The following ANKRD30BL variants were observed in gnomAD, a reference collection of about 807,000 sequenced individuals.
ANKRD30BL encodes the protein putative ankyrin repeat domain-containing protein 30B-like.
Under a neutral mutation model 18.4 loss-of-function variants are expected in ANKRD30BL, and 20 were observed. The observed-to-expected ratio is 1.09, with a 90% confidence interval of 0.77 to 1.58. The LOEUF (loss-of-function observed/expected upper bound fraction) is 1.58, where lower values mean the gene tolerates loss of function less well. ANKRD30BL is among the 40% of genes most tolerant of loss of function. The pLI, the probability that ANKRD30BL is intolerant of heterozygous loss-of-function variation, is 0.00. For synonymous variants in ANKRD30BL, 72 were observed against 100.9 expected, an observed-to-expected ratio of 0.71 and a Z score of 1.72; for missense variants, 224 against 268.6, an observed-to-expected ratio of 0.83 and a Z score of 1.16.
chr2:132,200,904 G>T (rs1363005400), intron 1 of ANKRD30BL, among the ~76,000 whole-genome samples: 2 of 152,176 alleles, frequency 1.3e-5, no homozygotes, highest in African/African-American at 4.8e-5. Flanking sequence ...ATGCTAGAAG[G>T]CTGCAGTAAC....
At chr2:132,234,696 T>C (rs1680106987) in intron 1 of ANKRD30BL, among the ~76,000 whole-genome samples, 1 of 152,074 alleles carries the variant, frequency 6.6e-6, no homozygotes, top group South Asian at 2.1e-4. Context: ...CAATAATCAA[T>C]AGCTTACCAA....
At chr2:132,223,939 G>A (rs1679768718) in intron 1 of ANKRD30BL, among the ~76,000 whole-genome samples, 1 of 152,134 alleles carries the variant, frequency 6.6e-6, no homozygotes, top group Non-Finnish European at 1.5e-5. Context: ...ACGCTTTGAG[G>A]CCTTCGTTGG....
chr2:132,211,297 C>T (rs756464019), intron 1 of ANKRD30BL, among the ~76,000 whole-genome samples: 4 of 151,790 alleles, frequency 2.6e-5, no homozygotes, highest in African/African-American at 9.7e-5. Context: ...CAGAGTTGAA[C>T]CTTTCTTTTG....
intron 1 of ANKRD30BL, among the ~76,000 whole-genome samples, chr2:132,220,159 G>A (rs891667028): frequency 2.0e-5 from 3 of 151,594 alleles, no homozygotes; most frequent in Admixed American, 2.0e-4. Flanking sequence ...CGTTGGAAAT[G>A]GGAATATCCT....
chr2:132,187,566 G>C (rs1333311262), intron 1 of ANKRD30BL, among the ~76,000 whole-genome samples: 2 of 151,772 alleles, frequency 1.3e-5, no homozygotes, highest in Non-Finnish European at 2.9e-5. Context: ...AGCCCACCTC[G>C]GCCTCCCAAA....
intron 1 of ANKRD30BL, among the ~76,000 whole-genome samples, chr2:132,211,836 AAC>A (rs1679361818): frequency 2.0e-5 from 3 of 151,944 alleles, no homozygotes; most frequent in Non-Finnish European, 4.4e-5. Context: ...GCAGTTTTGA[AAC>A]ACTCTTTTTG....
intron 1 of ANKRD30BL, among the ~76,000 whole-genome samples, chr2:132,253,909 G>C (rs1680741662): frequency 6.6e-6 from 1 of 152,108 alleles, no homozygotes; most frequent in Non-Finnish European, 1.5e-5. Context: ...TTTGGCAGAG[G>C]TGACGATGGT....
intron 1 of ANKRD30BL, among the ~76,000 whole-genome samples, chr2:132,191,707 G>C (rs1678853432): frequency 7.0e-6 from 1 of 143,544 alleles, no homozygotes; most frequent in Non-Finnish European, 1.5e-5. Context: ...TTTTGTTATT[G>C]TGTTGTTTGA....
intron 1 of ANKRD30BL, among the ~76,000 whole-genome samples, chr2:132,224,589 T>A (rs1679790543): frequency 1.3e-5 from 2 of 152,160 alleles, no homozygotes; most frequent in African/African-American, 4.8e-5. Flanking sequence ...TTTTGTAGAA[T>A]CTCCAAATGG....
intron 1 of ANKRD30BL, among the ~76,000 whole-genome samples, chr2:132,223,975 C>T (rs376793083): frequency 1.3e-3 from 203 of 152,186 alleles, no homozygotes; most frequent in Non-Finnish European, 2.3e-3. Context: ...CACATAAAAA[C>T]TAGACAGGAG....
At chr2:132,175,348 C>T (rs1198556895) in intron 1 of ANKRD30BL, among the ~76,000 whole-genome samples, 1 of 152,100 alleles carries the variant, frequency 6.6e-6, no homozygotes, top group Non-Finnish European at 1.5e-5. Context: ...TGCACGTAGG[C>T]CAGATTTATG....
chr2:132,153,685 G>A lies in ANKRD30BL; in HGVS notation c.614+977C>T, dbSNP rs542017481. The stretch of plus-strand genomic sequence containing the variant: ...ATGATCCATGACATATGGCAAGCAT[G>A]AGGGCTGTGCTAAAATAACAAAGAG... On this transcript the variant is annotated intron_variant, in intron 4 of 5. Coordinates refer to ENST00000409867, the MANE Select transcript of ANKRD30BL (RefSeq NM_001358416.1). 1.0e-4 allele frequency: 132 copies of A among 1,261,538 alleles called. 1 individual carries two copies. The highest frequency in any genetic ancestry group is 1.3e-4 in the Non-Finnish European group (119 of 924,212). The allele number at this position is 1,261,538 out of a possible 1,614,324, so 78.1% of individuals were successfully genotyped here.
At chr2:132,158,368 C>T (rs111877831) in intron 1 of ANKRD30BL, among the ~76,000 whole-genome samples, 52,171 of 151,740 alleles carry the variant, frequency 0.34, 10,141 homozygotes, top group Middle Eastern at 0.45. Flanking sequence ...TTATAGAATG[C>T]ATGTAAATTA....
At chr2:132,189,148 A>C (rs557605125) in intron 1 of ANKRD30BL, among the ~76,000 whole-genome samples, 5 of 152,332 alleles carry the variant, frequency 3.3e-5, no homozygotes, top group African/African-American at 1.2e-4. Context: ...TCACAGTAGA[A>C]CAAAGTGTTT....
At chr2:132,178,802 A>G (rs1174464841) in intron 1 of ANKRD30BL, among the ~76,000 whole-genome samples, 1 of 152,278 alleles carries the variant, frequency 6.6e-6, no homozygotes, top group Non-Finnish European at 1.5e-5. Context: ...ATATTTTTCT[A>G]AGAGAAATAA....
chr2:132,157,701 C>A (rs143551169), intron 1 of ANKRD30BL, among the ~76,000 whole-genome samples: 1 of 152,246 alleles, frequency 6.6e-6, no homozygotes, highest in East Asian at 1.9e-4. Flanking sequence ...TATCACTTAA[C>A]CTTTCTCTGC....
At chr2:132,224,333 T>A (rs1165067362) in intron 1 of ANKRD30BL, among the ~76,000 whole-genome samples, 1 of 152,160 alleles carries the variant, frequency 6.6e-6, no homozygotes, top group African/African-American at 2.4e-5. Flanking sequence ...AGAAGAATTC[T>A]CAGAATCTTC....
At chr2:132,224,890 T>C (rs886785145) in intron 1 of ANKRD30BL, among the ~76,000 whole-genome samples, 1 of 151,962 alleles carries the variant, frequency 6.6e-6, no homozygotes, top group South Asian at 2.1e-4. Context: ...TGAACCTTGC[T>C]TTTCATAGAG....
At chr2:132,196,622 C>T (rs1347125273) in intron 1 of ANKRD30BL, among the ~76,000 whole-genome samples, 1 of 152,018 alleles carries the variant, frequency 6.6e-6, no homozygotes, top group East Asian at 1.9e-4. Context: ...CCTGTCTCTA[C>T]TAAAAATTCA....
Sources: gnomAD v4.1 joint callset for allele counts (sites outside exome capture counted in the v4.1 genomes callset) on GRCh38, gnomAD v4.1.1 for gene constraint, MANE v1.5 for transcripts, NCBI Gene and HGNC (gene_info 2026-07-23, HGNC 2026-07-21) for gene names.